Variants in FAM177B observed in about 807,000 individuals in gnomAD.
The protein encoded by FAM177B is family with sequence similarity 177 member B, also known as protein FAM177B.
A neutral mutation model predicts 16.1 loss-of-function variants in FAM177B; 16 were observed. The ratio of observed to expected loss-of-function variants is 0.99; its 90% confidence interval spans 0.67 to 1.51. FAM177B has a LOEUF of 1.51. Among genes scored for constraint, FAM177B ranks in the 40% most tolerant of loss-of-function variants. The probability of loss-of-function intolerance (pLI) is 0.00; values close to 1 mark genes in which losing one functional copy is unlikely to be tolerated. For missense variants in FAM177B, 178 were observed against 183.7 expected (o/e 0.97, Z 0.18); for synonymous variants, 56 against 59.9 (o/e 0.93, Z 0.30).
intron 2 of FAM177B, among the ~76,000 whole-genome samples, chr1:222,740,573 C>T (rs1266019733): frequency 1.3e-5 from 2 of 152,234 alleles, no homozygotes; most frequent in East Asian, 1.9e-4. Flanking sequence ...TACTTCACAA[C>T]GTATCTTATC....
intron 2 of FAM177B, among the ~76,000 whole-genome samples, chr1:222,741,168 C>T (rs1004654516): frequency 1.0e-4 from 15 of 150,324 alleles, no homozygotes; most frequent in African/African-American, 3.7e-4. Flanking sequence ...AAGCGATCCT[C>T]CCACCTCAGA....
intron 2 of FAM177B, among the ~76,000 whole-genome samples, chr1:222,738,782 A>G (rs946902017): frequency 4.6e-5 from 7 of 152,352 alleles, no homozygotes; most frequent in African/African-American, 1.7e-4. Context: ...GTTGATTCCA[A>G]ACTGTTCACT....
In FAM177B at chr1:222,738,038, G is replaced by A. The variant is rs994172641; in HGVS notation, c.-16+17G>A. ...AGAGTAGAGGTAAATGTGTGAGTAT[G>A]TGTGTGTTGGGGGGATGGAGGGAGA... On this transcript the variant is annotated intron_variant, in intron 2 of 5. Coordinates refer to ENST00000445590, the MANE Select transcript of FAM177B (RefSeq NM_001394345.1). The A allele has an allele frequency of 2.0e-5, 3 of 152,424 alleles. No homozygotes were observed. Among genetic ancestry groups the A allele is most frequent in the Non-Finnish European group, 2.9e-5 (2 of 68,204 alleles). 9.4% of individuals were successfully genotyped at this position (152,424 alleles called of 1,614,324 possible).
intron 4 of FAM177B, chr1:222,747,475 A>G (rs1658855500): frequency 5.8e-6 from 1 of 172,548 alleles, no homozygotes; most frequent in Admixed American, 5.7e-5. Flanking sequence ...GTTGTATGAC[A>G]CAGTTCTAAG....
rs1274488268 is a variant in FAM177B, at chr1:222,741,925, TCTC to T, written c.-16+3905_-16+3907del. On this transcript the variant is annotated intron_variant, in intron 2 of 5. Coordinates refer to ENST00000445590, the MANE Select transcript of FAM177B (RefSeq NM_001394345.1). ...CCCTCCCTCTCTCTCTCTCTCTCTC[TCTC>T]TCTTTCTTTCTTTCTTTCTTTCTTT... Among the ~76,000 whole-genome samples, 308 of 116,970 alleles carry T rather than the reference TCTC, an allele frequency of 2.6e-3. 1 individual carries two copies. Among genetic ancestry groups the T allele is most frequent in the African/African-American group, 9.5e-3 (283 of 29,916 alleles). The allele number at this position is 116,970 out of a possible 152,430, so 76.7% of individuals were successfully genotyped here.
Position 222,749,493 on chromosome 1 carries a change from T to A in FAM177B, c.270T>A (p.Ala90=). ...STCEFLGGRF[A]VFFGLTQPKY... ...GTGAATTCCTTGGTGGAAGATTTGC[T>A]GTCTTCTTTGGTCTTACTCAACCCA... is the stretch of plus-strand genomic sequence containing the variant. Residue 90 remains alanine (A), a synonymous_variant, in exon 5 of 6, where the codon GCT becomes GCA. Coordinates refer to ENST00000445590, the MANE Select transcript of FAM177B (RefSeq NM_001394345.1). 1 of 1,609,968 alleles carries A rather than the reference T, an allele frequency of 6.2e-7. No individual in the cohort carries two copies. Among genetic ancestry groups the A allele is most frequent in the Non-Finnish European group, 8.5e-7 (1 of 1,177,464 alleles).
intron 2 of FAM177B, among the ~76,000 whole-genome samples, chr1:222,740,240 CA>C (rs1000422937): frequency 6.6e-6 from 1 of 152,098 alleles, no homozygotes; most frequent in African/African-American, 2.4e-5. Flanking sequence ...TATATATAAG[CA>C]TATGCATATA....
At chr1:222,745,947 T>C (rs1177646297) in intron 2 of FAM177B, among the ~76,000 whole-genome samples, 1 of 152,008 alleles carries the variant, frequency 6.6e-6, no homozygotes, top group Admixed American at 6.6e-5. Flanking sequence ...GCCATTACAG[T>C]GGGTATGTTA....
chr1:222,740,901 G>A (rs565662231), intron 2 of FAM177B, among the ~76,000 whole-genome samples: 3 of 152,044 alleles, frequency 2.0e-5, no homozygotes, highest in African/African-American at 4.8e-5. Context: ...GGGTTTCACC[G>A]TGTTAGCCAG....
intron 2 of FAM177B, among the ~76,000 whole-genome samples, chr1:222,745,880 C>T (rs903131895): frequency 2.0e-5 from 3 of 152,204 alleles, no homozygotes; most frequent in African/African-American, 7.2e-5. Context: ...CGCCATTGCA[C>T]TCCAGCCTGG....
chr1:222,749,722 C>A (rs1020804740), intron 5 of FAM177B, among the ~76,000 whole-genome samples, 160 bp downstream of exon 5: 1 of 152,156 alleles, frequency 6.6e-6, no homozygotes, highest in Non-Finnish European at 1.5e-5. Context: ...GTTCTGTTCA[C>A]CCAGGGACAC....
At chr1:222,738,813 C>T (rs544626938) in intron 2 of FAM177B, among the ~76,000 whole-genome samples, 2 of 152,312 alleles carry the variant, frequency 1.3e-5, no homozygotes, top group Non-Finnish European at 2.9e-5. Context: ...CTCTGTGTGA[C>T]ATGTACCGAT....
chr1:222,741,540 T>TA (rs1178028522), intron 2 of FAM177B, among the ~76,000 whole-genome samples: 4 of 152,050 alleles, frequency 2.6e-5, no homozygotes, highest in Admixed American at 2.0e-4. Context: ...TCTATTTTTT[T>TA]TTTTTTGAGA....
chr1:222,749,263 TAGA>T, intron 4 of FAM177B, 199 bp from the exon 5 acceptor site: 1 of 537,282 alleles, frequency 1.9e-6, no homozygotes, highest in South Asian at 2.4e-5. Flanking sequence ...CATATAAAGA[TAGA>T]AGATTTGACA....
intron 2 of FAM177B, among the ~76,000 whole-genome samples, chr1:222,740,500 G>C (rs1346652027): frequency 6.6e-6 from 1 of 151,696 alleles, no homozygotes; most frequent in Non-Finnish European, 1.5e-5. Flanking sequence ...TCTTCTGCTG[G>C]TTTTGAAGCT....
intron 5 of FAM177B, 115 bp downstream of exon 5, chr1:222,749,677 C>G (rs949064963): frequency 1.4e-6 from 1 of 736,078 alleles, no homozygotes; most frequent in African/African-American, 1.8e-5. Flanking sequence ...TATAATTTCA[C>G]CAAGCTCCCA....
intron 2 of FAM177B, among the ~76,000 whole-genome samples, chr1:222,741,758 TTC>T (rs1434024755): frequency 2.8e-5 from 4 of 145,128 alleles, no homozygotes; most frequent in Non-Finnish European, 6.1e-5. Flanking sequence ...CTTTCTTTCT[TTC>T]TTTTTCTTTC....
At chr1:222,746,763 G>A (rs771642809) in intron 3 of FAM177B, 44 bp downstream of exon 3, 34 of 1,454,620 alleles carry the variant, frequency 2.3e-5, no homozygotes, top group South Asian at 1.4e-4. Context: ...TGGGGGAGGC[G>A]GTGAATGAAC....
Position 222,746,539 on chromosome 1 carries a change from T to C in FAM177B, c.-7T>C. 2 of 1,573,726 alleles carry C rather than the reference T, an allele frequency of 1.3e-6. No individual in the cohort carries two copies. The highest frequency in any genetic ancestry group is 1.7e-6 in the Non-Finnish European group (2 of 1,154,694). ...TGTTTTTAATTTTCTAGTTGTTTTG[T>C]TTCATTATGGAGATTGACGGTTTCC... On this transcript the variant is annotated 5_prime_UTR_variant, in exon 3 of 6. Coordinates refer to ENST00000445590, the MANE Select transcript of FAM177B (RefSeq NM_001394345.1).
Sources: allele counts gnomAD v4.1 joint callset (sites outside exome capture counted in the v4.1 genomes callset), GRCh38; gene constraint gnomAD v4.1.1; transcripts MANE v1.5; gene names NCBI Gene and HGNC (gene_info 2026-07-23, HGNC 2026-07-21).